SATB2: variants seen among roughly 807,000 people sequenced by gnomAD.
SATB2 encodes SATB homeobox 2.
In SATB2, 1 loss-of-function variant was observed where a neutral mutation model predicts 73.4. The ratio of observed to expected loss-of-function variants is 0.01; its 90% confidence interval spans 0.00 to 0.06. The LOEUF is 0.06. SATB2 is among the 10% of genes least tolerant of loss of function. The probability of loss-of-function intolerance (pLI) is 1.00; values close to 1 mark genes in which losing one functional copy is unlikely to be tolerated. For synonymous variants in SATB2, 397 were observed against 367.0 expected (o/e 1.08, Z -0.93); for missense variants, 459 against 945.8 (o/e 0.49, Z 6.75).
chr2:199,278,338 TATTTAC>T (rs1220105449), intron 10 of SATB2, among the ~76,000 whole-genome samples: 4 of 152,194 alleles, frequency 2.6e-5, no homozygotes, highest in Non-Finnish European at 4.4e-5. Flanking sequence ...CACATGTGGG[TATTTAC>T]ATTTAAACTA....
intron 9 of SATB2, among the ~76,000 whole-genome samples, chr2:199,313,714 C>T (rs1009391708): frequency 6.6e-6 from 1 of 152,122 alleles, no homozygotes; most frequent in African/African-American, 2.4e-5. Flanking sequence ...AGAAATGTGC[C>T]ATTAATTCTT....
chr2:199,353,540 T>G (rs1442845079), intron 6 of SATB2, among the ~76,000 whole-genome samples: 1 of 152,146 alleles, frequency 6.6e-6, no homozygotes, highest in African/African-American at 2.4e-5. Context: ...TTTAGCCTCT[T>G]AAGTCACAGC....
chr2:199,465,100 C>T (rs900139330), exon 1 of SATB2: 2 of 152,252 alleles, frequency 1.3e-5, no homozygotes, highest in Non-Finnish European at 2.9e-5. Context: ...GTCTCTCTCT[C>T]TCTCTCTCTT....
rs999561200 is a variant in SATB2 at position 199,272,278 on chromosome 2, T to C, written c.2135A>G (p.Lys712Arg). The change falls in exon 11 of 11, where the codon AAA (lysine) becomes AGA (arginine). Residue 712 changes from lysine (K) to arginine (R), a missense_variant. Around this residue, in one of 13 missense-constraint regions of SATB2, gnomAD observed 41 missense variants for 38.6 expected, o/e 1.06. Coordinates refer to ENST00000417098, the MANE Select transcript of SATB2 (RefSeq NM_001172509.2). This position sits in a 1 kb window ranked among gnomAD's most constrained non-coding sequence, Gnocchi z 6.7. Reference protein sequence around the residue: ...DSEEGSEEMYKVEAEEENADK... With the variant: ...DSEEGSEEMYRVEAEEENADK... ...AGCATTTTCCTCCTCAGCCTCCACT[T>C]TGTACATCTCCTCGGAGCCTTCCTC... 1.3e-5 allele frequency: 21 copies of C among 1,614,080 alleles called. No individual in the cohort carries two copies. Among genetic ancestry groups the C allele is most frequent in the Non-Finnish European group, 1.7e-5 (20 of 1,180,028 alleles).
intron 5 of SATB2, 60 bp from the exon 6 acceptor site, chr2:199,368,767 A>G: frequency 1.0e-6 from 1 of 998,138 alleles, no homozygotes; most frequent in Non-Finnish European, 1.6e-6. Flanking sequence ...TAGGGACAAG[A>G]AAGAGCACTT....
intron 3 of SATB2, among the ~76,000 whole-genome samples, chr2:199,389,005 G>A (rs1457543074): frequency 6.6e-6 from 1 of 152,018 alleles, no homozygotes; most frequent in Non-Finnish European, 1.5e-5. Flanking sequence ...TAAGAACATA[G>A]AATTATTTAT....
intron 3 of SATB2, among the ~76,000 whole-genome samples, chr2:199,419,436 C>G (rs539578156): frequency 6.6e-6 from 1 of 152,200 alleles, no homozygotes; most frequent in East Asian, 1.9e-4. Flanking sequence ...CAACTTATTT[C>G]TAAGGAGTAA....
chr2:199,465,156 G>T (rs868374013), upstream of SATB2: 1 of 152,316 alleles, frequency 6.6e-6, no homozygotes, highest in South Asian at 2.1e-4. Context: ...TTGCGTGTGC[G>T]TTTGGGGTGT....
intron 9 of SATB2, among the ~76,000 whole-genome samples, chr2:199,311,255 C>T (rs757219196): frequency 1.3e-5 from 2 of 152,040 alleles, no homozygotes; most frequent in African/African-American, 2.4e-5. Context: ...TAAGGGAACC[C>T]GGTTTTGAAG....
Position 199,270,599 on chromosome 2 carries a change from A to T in SATB2, c.*1612T>A, listed in dbSNP as rs939692583. 1.3e-5 allele frequency: 2 copies of T among 152,014 alleles called. No individual in the cohort carries two copies. Among genetic ancestry groups the T allele is most frequent in the African/African-American group, 4.8e-5 (2 of 41,316 alleles). 9.4% of individuals were successfully genotyped at this position (152,014 alleles called of 1,614,324 possible). On this transcript the variant is annotated 3_prime_UTR_variant, in exon 11 of 11. Coordinates refer to ENST00000417098, the MANE Select transcript of SATB2 (RefSeq NM_001172509.2). ...GTTCACTAGGCCAGTCCTGAATGTGAGGTCTCCTCTTGCAATTACTGTAAG... is the reference window on the plus strand; with the variant it reads ...GTTCACTAGGCCAGTCCTGAATGTGTGGTCTCCTCTTGCAATTACTGTAAG...
rs1692265054 is a variant in SATB2 at position 199,456,080 on chromosome 2, A to G, written c.-43T>C. 4.0e-6 allele frequency: 6 copies of G among 1,503,800 alleles called. No individual in the cohort carries two copies. Among genetic ancestry groups the G allele is most frequent in the South Asian group, 1.2e-5 (1 of 83,504 alleles). 93.2% of individuals were successfully genotyped at this position (1,503,800 alleles called of 1,614,324 possible). ...ACAAAGTTCCCACCGGCAGGTCGCA[A>G]TAAAACGCACAGGGACCTAGGGAGG... On this transcript the variant is annotated 5_prime_UTR_variant, in exon 2 of 11. Transcript: ENST00000417098.
intron 1 of SATB2, among the ~76,000 whole-genome samples, chr2:199,456,352 G>A (rs1692274051): frequency 6.6e-6 from 1 of 152,224 alleles, no homozygotes; most frequent in Non-Finnish European, 1.5e-5. Flanking sequence ...GGTCGCGGCC[G>A]GGGTTGGCAC....
chr2:199,394,173 G>A (rs1158885539), intron 3 of SATB2, among the ~76,000 whole-genome samples: 1 of 152,068 alleles, frequency 6.6e-6, no homozygotes, highest in Non-Finnish European at 1.5e-5. Context: ...TTATATACCT[G>A]CACAAATAAG....
chr2:199,306,580 A>G (rs887342837), intron 10 of SATB2, among the ~76,000 whole-genome samples: 4 of 152,228 alleles, frequency 2.6e-5, no homozygotes, highest in African/African-American at 9.6e-5. Context: ...AAAATTACAG[A>G]TTCATGCTTA....
intron 3 of SATB2, among the ~76,000 whole-genome samples, chr2:199,406,855 C>T (rs928496637): frequency 6.6e-6 from 1 of 151,912 alleles, no homozygotes; most frequent in Non-Finnish European, 1.5e-5. Context: ...TGGAAATATT[C>T]GTATGATCAC....
At chr2:199,365,039 G>C (rs1689241501) in intron 6 of SATB2, among the ~76,000 whole-genome samples, 1 of 151,888 alleles carries the variant, frequency 6.6e-6, no homozygotes, top group Non-Finnish European at 1.5e-5. Flanking sequence ...AAAATGTGTA[G>C]AACTTAGGAA....
chr2:199,276,538 G>A (rs187117895), intron 10 of SATB2, among the ~76,000 whole-genome samples: 83 of 151,982 alleles, frequency 5.5e-4, no homozygotes, highest in African/African-American at 2.0e-3. Context: ...TGACAGTTTG[G>A]GCATAATTTT....
At chr2:199,445,182 G>A (rs1011246664) in intron 2 of SATB2, among the ~76,000 whole-genome samples, 1 of 152,152 alleles carries the variant, frequency 6.6e-6, no homozygotes, top group Non-Finnish European at 1.5e-5. Context: ...CCGTTATGGA[G>A]CTGAGAATTA....
At chr2:199,415,820 T>C (rs1343625247) in intron 3 of SATB2, among the ~76,000 whole-genome samples, 2 of 152,252 alleles carry the variant, frequency 1.3e-5, no homozygotes, top group Middle Eastern at 3.4e-3. Flanking sequence ...CCCTTCTCTT[T>C]CCTGGCATGA....
Sources: allele counts gnomAD v4.1 joint callset (sites outside exome capture counted in the v4.1 genomes callset), GRCh38; gene constraint gnomAD v4.1.1; regional missense constraint gnomAD v4.1.1; non-coding constraint Gnocchi (gnomAD v3.1); transcripts MANE v1.5; gene names NCBI Gene and HGNC (gene_info 2026-07-23, HGNC 2026-07-21).